The following ARHGAP15 variants were observed in gnomAD, a reference collection of about 807,000 sequenced individuals.
ARHGAP15 encodes rho GTPase-activating protein 15.
In ARHGAP15, 51 loss-of-function variants were observed where a neutral mutation model predicts 63.7. The observed-to-expected ratio is 0.80, with a 90% CI of 0.64 to 1.01. The LOEUF is 1.01. ARHGAP15 is among the 50% of genes least tolerant of loss of function. The pLI is 0.00. For synonymous variants in ARHGAP15, 191 were observed against 193.8 expected (o/e 0.99, Z 0.12); for missense variants, 560 against 564.6 (o/e 0.99, Z 0.08).
intron 4 of ARHGAP15, among the ~76,000 whole-genome samples, chr2:143,218,893 T>C (rs1267734526): frequency 2.0e-5 from 3 of 152,204 alleles, no homozygotes; most frequent in African/African-American, 7.2e-5. Flanking sequence ...ATGGAAACGA[T>C]AATGCATTGC....
chr2:143,271,614 C>T (rs1222051603), intron 6 of ARHGAP15, among the ~76,000 whole-genome samples: 2 of 152,128 alleles, frequency 1.3e-5, no homozygotes, highest in Non-Finnish European at 2.9e-5. Flanking sequence ...TAGCTGGGAC[C>T]ACAGGTGCCT....
intron 10 of ARHGAP15, among the ~76,000 whole-genome samples, chr2:143,531,106 CTG>C (rs1181862280): frequency 2.9e-5 from 2 of 68,840 alleles, no homozygotes; most frequent in East Asian, 9.1e-4. Context: ...TGGGTTGATG[CTG>C]TGTGTGTATG....
chr2:143,663,612 C>G (rs1681962222), intron 12 of ARHGAP15, among the ~76,000 whole-genome samples: 1 of 152,078 alleles, frequency 6.6e-6, no homozygotes, highest in East Asian at 1.9e-4. Flanking sequence ...TTAAAAGACA[C>G]AGACTGGCAA....
At chr2:143,249,880 G>A (rs568173915) in intron 5 of ARHGAP15, among the ~76,000 whole-genome samples, 2 of 152,192 alleles carry the variant, frequency 1.3e-5, no homozygotes, top group East Asian at 3.9e-4. Flanking sequence ...ATATTTGTGT[G>A]TATAGTCTTA....
chr2:143,562,057 T>C (rs1696052611), intron 11 of ARHGAP15, among the ~76,000 whole-genome samples: 1 of 152,182 alleles, frequency 6.6e-6, no homozygotes, highest in South Asian at 2.1e-4. Flanking sequence ...AAATTAGATA[T>C]TGGCTTAAAG....
chr2:143,256,571 A>G lies in ARHGAP15; in HGVS notation c.474+5971A>G, dbSNP rs1339761845. Among the ~76,000 whole-genome samples the G allele has an allele frequency of 2.0e-5, 3 of 152,150 alleles. No individual in the cohort carries two copies. The South Asian group carries it at 6.2e-4, about 31-fold the overall frequency. ...AATAGAAACTTGCAAAAGGTAACATAGAAACAAGTGTAGCAACTATGCCCC... is the reference window on the plus strand; with the variant it reads ...AATAGAAACTTGCAAAAGGTAACATGGAAACAAGTGTAGCAACTATGCCCC... On this transcript the variant is annotated intron_variant, in intron 6 of 13. Coordinates refer to ENST00000295095, the MANE Select transcript of ARHGAP15 (RefSeq NM_018460.4).
chr2:143,130,090 C>T (rs1160080235), intron 1 of ARHGAP15, among the ~76,000 whole-genome samples: 4 of 151,882 alleles, frequency 2.6e-5, no homozygotes, highest in Admixed American at 2.6e-4. Flanking sequence ...CATAAGCAAA[C>T]TTTTATATTT....
At chr2:143,607,454 A>G (rs1698081412) in intron 11 of ARHGAP15, 1 of 152,118 alleles carries the variant, frequency 6.6e-6, no homozygotes, top group South Asian at 2.1e-4. Context: ...CCATTTAAAT[A>G]CCAGCTACCT....
chr2:143,540,800 G>T (rs573292954), intron 10 of ARHGAP15, among the ~76,000 whole-genome samples: 1 of 152,224 alleles, frequency 6.6e-6, no homozygotes, highest in East Asian at 1.9e-4. Context: ...CTCTCTGGCT[G>T]CCCTTAACAT....
intron 12 of ARHGAP15, among the ~76,000 whole-genome samples, chr2:143,638,687 T>A (rs1266293979): frequency 8.3e-5 from 11 of 132,320 alleles, no homozygotes; most frequent in East Asian, 4.5e-4. Flanking sequence ...AAAAAAATAT[T>A]AAAAAAAAAA....
At chr2:143,255,196 T>C (rs994876401) in intron 6 of ARHGAP15, among the ~76,000 whole-genome samples, 1 of 152,094 alleles carries the variant, frequency 6.6e-6, no homozygotes, top group African/African-American at 2.4e-5. Context: ...ATTAGGAATA[T>C]GTCAATTACC....
intron 12 of ARHGAP15, among the ~76,000 whole-genome samples, chr2:143,645,820 T>A (rs947766199): frequency 2.0e-5 from 3 of 152,072 alleles, no homozygotes; most frequent in African/African-American, 7.2e-5. Flanking sequence ...CAAGCTTTTT[T>A]AAAAAATATT....
chr2:143,336,313 G>A (rs1684772083), intron 6 of ARHGAP15, among the ~76,000 whole-genome samples: 1 of 152,274 alleles, frequency 6.6e-6, no homozygotes, highest in African/African-American at 2.4e-5. Context: ...AAGGGGAGAG[G>A]CAGATGAGTG....
chr2:143,279,513 T>C (rs780791053), intron 6 of ARHGAP15, among the ~76,000 whole-genome samples: 55 of 152,188 alleles, frequency 3.6e-4, no homozygotes, highest in Non-Finnish European at 2.4e-4. Flanking sequence ...GTCAGGTCAC[T>C]TTGGACATAG....
chr2:143,573,906 G>A (rs1696562087), intron 11 of ARHGAP15, among the ~76,000 whole-genome samples: 1 of 152,080 alleles, frequency 6.6e-6, no homozygotes, highest in African/African-American at 2.4e-5. Context: ...AGAAAAGGTT[G>A]CCTCTCTTAT....
chr2:143,724,383 C>G (rs991463033), intron 13 of ARHGAP15, among the ~76,000 whole-genome samples: 1 of 152,206 alleles, frequency 6.6e-6, no homozygotes, highest in Non-Finnish European at 1.5e-5. Context: ...ACTATAAACT[C>G]TAAATCATCG....
chr2:143,733,427 G>C (rs1455896099), intron 13 of ARHGAP15, among the ~76,000 whole-genome samples: 1 of 152,076 alleles, frequency 6.6e-6, no homozygotes, highest in Non-Finnish European at 1.5e-5. Flanking sequence ...AGCCCATTTT[G>C]GAGAGTGAAG....
At chr2:143,476,838 C>T (rs1574502176) in intron 8 of ARHGAP15, among the ~76,000 whole-genome samples, 1 of 152,150 alleles carries the variant, frequency 6.6e-6, no homozygotes, top group Admixed American at 6.5e-5. Context: ...ATTGTGAAAC[C>T]TTTTTGCTGG....
intron 11 of ARHGAP15, among the ~76,000 whole-genome samples, chr2:143,579,286 A>AT (rs1696799311): frequency 6.6e-6 from 1 of 152,336 alleles, no homozygotes; most frequent in East Asian, 1.9e-4. Context: ...TAAAGTTGCG[A>AT]TTAGTATTTG....
Sources: allele counts gnomAD v4.1 joint callset (sites outside exome capture counted in the v4.1 genomes callset), GRCh38; gene constraint gnomAD v4.1.1; transcripts MANE v1.5; gene names NCBI Gene and HGNC (gene_info 2026-07-23, HGNC 2026-07-21).